Variants in MBD5 observed in about 807,000 individuals in gnomAD.
MBD5 encodes methyl-CpG-binding domain protein 5.
In MBD5, 13 loss-of-function variants were observed where a neutral mutation model predicts 117.3. The ratio of observed to expected loss-of-function variants is 0.11; its 90% CI spans 0.07 to 0.18. The LOEUF is 0.18. Ranked by LOEUF, MBD5 falls within the 10% of genes least tolerant of loss-of-function variation. The pLI is 1.00. For missense variants in MBD5, 1,879 were observed against 2,093.8 expected, an observed-to-expected ratio of 0.90 and a Z score of 2.00; for synonymous variants, 727 against 766.4, an observed-to-expected ratio of 0.95 and a Z score of 0.85.
chr2:148,480,380 C>A (rs997373807), intron 8 of MBD5, among the ~76,000 whole-genome samples: 1 of 152,038 alleles, frequency 6.6e-6, no homozygotes, highest in Admixed American at 6.6e-5. Context: ...CTAAGGAAAG[C>A]CTTCATCTAC....
intron 1 of MBD5, among the ~76,000 whole-genome samples, chr2:148,051,303 A>T (rs1694692847): frequency 7.1e-6 from 1 of 140,484 alleles, no homozygotes; most frequent in African/African-American, 2.6e-5. Flanking sequence ...TATTAGCTCT[A>T]AAATATTTTA....
intron 11 of MBD5, among the ~76,000 whole-genome samples, chr2:148,501,711 G>A (rs1481010067): frequency 2.0e-5 from 3 of 152,036 alleles, no homozygotes; most frequent in African/African-American, 7.2e-5. Context: ...GCTGACCTCT[G>A]TTGACATAGC....
At chr2:148,300,345 G>C (rs544969293) in intron 3 of MBD5, among the ~76,000 whole-genome samples, 1 of 152,218 alleles carries the variant, frequency 6.6e-6, no homozygotes. Context: ...GAGCCATTGC[G>C]CCCGGGCATG....
At chr2:148,120,642 C>A (rs1468961078) in intron 1 of MBD5, among the ~76,000 whole-genome samples, 3 of 152,142 alleles carry the variant, frequency 2.0e-5, no homozygotes, top group African/African-American at 7.2e-5. Context: ...AATCCTGCTA[C>A]CTTACTGAAC....
At chr2:148,376,840 TATAATTATATATTATAATCA>T (rs1439088518) in intron 4 of MBD5, among the ~76,000 whole-genome samples, 4 of 137,332 alleles carry the variant, frequency 2.9e-5, no homozygotes, top group Non-Finnish European at 3.1e-5. Flanking sequence ...ATAACATATA[TATAATTATATATTATAATCA>T]TATATATAAT....
intron 3 of MBD5, among the ~76,000 whole-genome samples, chr2:148,260,061 A>G (rs1275166393): frequency 6.6e-6 from 1 of 152,188 alleles, no homozygotes; most frequent in East Asian, 1.9e-4. Flanking sequence ...TGTCTGTGGC[A>G]GTTCTTTAAA....
intron 1 of MBD5, among the ~76,000 whole-genome samples, chr2:148,034,158 G>T (rs888795734): frequency 2.6e-5 from 4 of 152,128 alleles, no homozygotes; most frequent in African/African-American, 7.2e-5. Context: ...TGATGCCACT[G>T]TACTCCAGCC....
chr2:148,415,237 C>T (rs1057407202), intron 4 of MBD5, among the ~76,000 whole-genome samples: 6 of 152,086 alleles, frequency 3.9e-5, no homozygotes, highest in Non-Finnish European at 7.4e-5. Flanking sequence ...CTTAGTTTAG[C>T]TGGATATGAA....
chr2:148,292,291 G>A (rs532604385), intron 3 of MBD5, among the ~76,000 whole-genome samples: 13 of 152,028 alleles, frequency 8.6e-5, no homozygotes, highest in Non-Finnish European at 1.6e-4. Flanking sequence ...AAACAGAATG[G>A]GAGAAAATAT....
chr2:148,266,857 G>A (rs1402121049), intron 3 of MBD5, among the ~76,000 whole-genome samples: 1 of 152,146 alleles, frequency 6.6e-6, no homozygotes, highest in African/African-American at 2.4e-5. Flanking sequence ...ACAATAAAAC[G>A]CAAATTTCTT....
intron 4 of MBD5, among the ~76,000 whole-genome samples, chr2:148,352,903 C>T (rs1703280553): frequency 6.6e-6 from 1 of 151,988 alleles, no homozygotes; most frequent in South Asian, 2.1e-4. Flanking sequence ...CATATAATAG[C>T]ATGTAAAATT....
intron 1 of MBD5, among the ~76,000 whole-genome samples, chr2:148,066,485 C>CTT (rs1216245986): frequency 1.1e-4 from 15 of 138,090 alleles, no homozygotes; most frequent in East Asian, 4.2e-4. Context: ...CCATTTTTTT[C>CTT]TTTTTTTTTT....
chr2:148,157,541 G>A lies in MBD5; in HGVS notation c.-924-21159G>A, dbSNP rs754521301. Among the ~76,000 whole-genome samples, 42 of 152,204 alleles carry A rather than the reference G, an allele frequency of 2.8e-4. 1 individual carries two copies. Among genetic ancestry groups the A allele is most frequent in the Admixed American group, 1.2e-3 (18 of 15,286 alleles). On this transcript the variant is annotated intron_variant, in intron 1 of 13. Coordinates refer to ENST00000642680, the MANE Select transcript of MBD5 (RefSeq NM_001378120.1). ...CCCAAGCTCAGGTATTCCTTACATA[G>A]CAGCCTGCAAAGCATCCGCCATAAA... is the stretch of plus-strand genomic sequence containing the variant.
At chr2:148,108,251 C>T (rs1696419449) in intron 1 of MBD5, among the ~76,000 whole-genome samples, 2 of 152,116 alleles carry the variant, frequency 1.3e-5, no homozygotes, top group Admixed American at 1.3e-4. Flanking sequence ...TAATCTAATA[C>T]TAATTAATAC....
At chr2:148,202,605 A>G (rs769981897) in intron 2 of MBD5, among the ~76,000 whole-genome samples, 63 of 152,358 alleles carry the variant, frequency 4.1e-4, no homozygotes, top group African/African-American at 1.3e-3. Context: ...AATTTTAATC[A>G]CAAAGAGAAA....
chr2:148,211,192 T>C (rs1472481359), intron 2 of MBD5, among the ~76,000 whole-genome samples: 3 of 152,214 alleles, frequency 2.0e-5, no homozygotes, highest in Non-Finnish European at 4.4e-5. Flanking sequence ...TTTCTTTTTT[T>C]CTCTGTGAAT....
chr2:148,291,298 A>G (rs1701496037), intron 3 of MBD5, among the ~76,000 whole-genome samples: 2 of 152,208 alleles, frequency 1.3e-5, no homozygotes, highest in African/African-American at 4.8e-5. Context: ...GGAGAATTTT[A>G]TCATCTTAAC....
chr2:148,439,401 A>G (rs956118945), intron 4 of MBD5, among the ~76,000 whole-genome samples: 2 of 152,140 alleles, frequency 1.3e-5, no homozygotes, highest in African/African-American at 2.4e-5. Context: ...AGTTAATATG[A>G]TAATACTATA....
At chr2:148,412,882 A>G (rs936122144) in intron 4 of MBD5, among the ~76,000 whole-genome samples, 2 of 152,056 alleles carry the variant, frequency 1.3e-5, no homozygotes, top group African/African-American at 4.8e-5. Context: ...AGTTTTCTAG[A>G]TATAAAATCA....
Sources: gnomAD v4.1 joint callset for allele counts (sites outside exome capture counted in the v4.1 genomes callset) on GRCh38, gnomAD v4.1.1 for gene constraint, MANE v1.5 for transcripts, NCBI Gene and HGNC (gene_info 2026-07-23, HGNC 2026-07-21) for gene names.